The following SLC19A3 variants were observed in gnomAD, a reference collection of about 807,000 sequenced individuals.
SLC19A3 encodes the protein thiamine transporter 2.
SLC19A3 carries 31 observed loss-of-function variants against 40.2 expected under a neutral mutation model. That is an observed-to-expected ratio of 0.77 (90% CI 0.58 to 1.04). The LOEUF (loss-of-function observed/expected upper bound fraction) is 1.04, where lower values mean the gene tolerates loss of function less well. SLC19A3 is among the 50% of genes least tolerant of loss of function. The pLI is 0.00. For synonymous variants in SLC19A3, 212 were observed against 227.5 expected (o/e 0.93, Z 0.61); for missense variants, 592 against 596.7 (o/e 0.99, Z 0.08).
Position 227,699,237 on chromosome 2 carries a change from G to C in SLC19A3, c.478C>G (p.Leu160Val). ...GACATGTTCGCCAGGGATACCAAGA[G>C]TTGAGCCAGCACCGACCCTGCTGTG... ...AYTAGSVLAQ[L>V]LVSLANMSYF... Residue 160 changes from leucine (L) to valine (V), a missense_variant, in exon 3 of 6, where the codon CTC becomes GTC. By Grantham distance (32) the Leu-to-Val change is conservative. Transcript: ENST00000644224. 1 of 1,614,122 alleles carries C rather than the reference G, an allele frequency of 6.2e-7. No individual in the cohort carries two copies. Among genetic ancestry groups the C allele is most frequent in the Non-Finnish European group, 8.5e-7 (1 of 1,179,986 alleles).
intron 1 of SLC19A3, among the ~76,000 whole-genome samples, chr2:227,711,025 C>T (rs1696118394): frequency 6.6e-6 from 1 of 152,144 alleles, no homozygotes; most frequent in African/African-American, 2.4e-5. Context: ...AAGCAAAGGG[C>T]TGCAGTCAGC....
At position 227,698,655 on chromosome 2, in the gene SLC19A3, G is replaced by A. The variant is rs747630583; in HGVS notation, c.979+81C>T. The A allele has an allele frequency of 6.6e-6, 8 of 1,214,700 alleles. No individual in the cohort carries two copies. The East Asian group carries it at 7.0e-5, about 11-fold the overall frequency. The allele number at this position is 1,214,700 out of a possible 1,614,324, so 75.2% of individuals were successfully genotyped here. On this transcript the variant is annotated intron_variant, in intron 3 of 5. Coordinates refer to ENST00000644224, the MANE Select transcript of SLC19A3 (RefSeq NM_025243.4). ...GCTTCCTTCTGAACAGAGCTAATTC[G>A]CTGCCATGAAGTTCGGTACCTGGAG...
chr2:227,686,121 C>T lies in SLC19A3; in HGVS notation c.*1276G>A. ...CTGAGGTAGGAGAATGGCTTGAACT[C>T]AGGAGGTGAAGTTTGCAGTGAGCCA... On this transcript the variant is annotated 3_prime_UTR_variant, in exon 6 of 6. Transcript: ENST00000644224. 1 of 448,868 alleles carries T rather than the reference C, an allele frequency of 2.2e-6. No homozygotes were observed. The highest frequency in any genetic ancestry group is 4.5e-6 in the Non-Finnish European group (1 of 223,194). The allele number at this position is 448,868 out of a possible 1,614,324, so 27.8% of individuals were successfully genotyped here. A position where few individuals can be genotyped will look rare whatever the true frequency, so the allele number is the denominator to read the frequency against.
intron 2 of SLC19A3, among the ~76,000 whole-genome samples, chr2:227,701,427 G>C (rs1695683441): frequency 6.6e-6 from 1 of 152,112 alleles, no homozygotes; most frequent in Non-Finnish European, 1.5e-5. Flanking sequence ...TTCGAGACCA[G>C]CCTGGCCAAC....
At chr2:227,702,540 C>A in intron 1 of SLC19A3, 1 of 538,170 alleles carries the variant, frequency 1.9e-6, no homozygotes, top group South Asian at 2.0e-5. Context: ...ATTACAGGTG[C>A]CTGCCACCAT....
intron 2 of SLC19A3, 63 bp downstream of exon 2, chr2:227,702,106 T>C (rs1038330303): frequency 4.9e-5 from 66 of 1,340,832 alleles, no homozygotes; most frequent in Non-Finnish European, 6.8e-5. Flanking sequence ...AAGCCCTGTA[T>C]CCTTGTTCAA....
chr2:227,687,261 G>T lies in SLC19A3; in HGVS notation c.*136C>A. 1 of 861,994 alleles carries T rather than the reference G, an allele frequency of 1.2e-6. No individual in the cohort carries two copies. The highest frequency in any genetic ancestry group is 1.8e-6 in the Non-Finnish European group (1 of 560,612). 53.4% of individuals were successfully genotyped at this position (861,994 alleles called of 1,614,324 possible). A position where few individuals can be genotyped will look rare whatever the true frequency, so the allele number is the denominator to read the frequency against. ...ACTCATCTAAAACTGAGGTTTTGTTGTGGTTTTGAAAGGTCCATTGGAATC... is the reference window on the plus strand; with the variant it reads ...ACTCATCTAAAACTGAGGTTTTGTTTTGGTTTTGAAAGGTCCATTGGAATC... On this transcript the variant is annotated 3_prime_UTR_variant, in exon 6 of 6. Transcript: ENST00000644224.
Position 227,688,289 on chromosome 2 carries a change from A to G in SLC19A3, c.1191T>C (p.Asn397=), listed in dbSNP as rs1435828432. The G allele has an allele frequency of 3.7e-6, 6 of 1,614,008 alleles. No individual in the cohort carries two copies. Among genetic ancestry groups the G allele is most frequent in the Non-Finnish European group, 5.1e-6 (6 of 1,179,886 alleles). The change falls in exon 5 of 6, where the codon AAT becomes AAC. Residue 397 remains asparagine (N), a synonymous_variant. Transcript: ENST00000644224. Reference sequence around the variant, plus strand: ...CCAAGGCATAGCGTTCCACATTCAGATTAACTGCAATCTGAAATCTATCAT... The same window carrying G: ...CCAAGGCATAGCGTTCCACATTCAGGTTAACTGCAATCTGAAATCTATCAT... The part of the protein sequence containing the change: ...ITIAVFQIAV[N]LNVERYALVF...
rs1184253218 is a variant in SLC19A3 at position 227,688,158 on chromosome 2, C to T, written c.1314+8G>A. Reference sequence around the variant, plus strand: ...TACCTAGTTGAAAACAGAAGTATTGCAGCTTACCTGAATGCTGACTGGCAA... The same window carrying T: ...TACCTAGTTGAAAACAGAAGTATTGTAGCTTACCTGAATGCTGACTGGCAA... On this transcript the variant is annotated splice_region_variant and intron_variant, in intron 5 of 5. Transcript: ENST00000644224. 1 of 1,613,952 alleles carries T rather than the reference C, an allele frequency of 6.2e-7. No homozygotes were observed. The highest frequency in any genetic ancestry group is 8.5e-7 in the Non-Finnish European group (1 of 1,179,922).
rs1695934431 is a variant in SLC19A3, at chr2:227,706,182, G to T, written c.-2-3862C>A. On this transcript the variant is annotated intron_variant, in intron 1 of 5. Transcript: ENST00000644224. ...TTATTCTGGAATAGACTGTTCTTTT[G>T]TCTTTTTTCCATTTATCATTCCATT... The T allele has an allele frequency of 9.1e-6, 5 of 546,510 alleles. No individual in the cohort carries two copies. In the South Asian group the frequency reaches 3.9e-4, roughly 43 times the overall value. The allele number at this position is 546,510 out of a possible 1,614,324, so 33.9% of individuals were successfully genotyped here. A position where few individuals can be genotyped will look rare whatever the true frequency, so the allele number is the denominator to read the frequency against.
At chr2:227,697,325 A>T (rs971348052) in intron 3 of SLC19A3, among the ~76,000 whole-genome samples, 4 of 152,190 alleles carry the variant, frequency 2.6e-5, no homozygotes, top group Non-Finnish European at 5.9e-5. Flanking sequence ...TTTGTAAATG[A>T]GGGTGGGGCG....
intron 4 of SLC19A3, among the ~76,000 whole-genome samples, chr2:227,688,833 A>T (rs1695118141): frequency 6.6e-6 from 1 of 152,172 alleles, no homozygotes; most frequent in Non-Finnish European, 1.5e-5. Context: ...TTAGACACAG[A>T]ATTCAAAATA....
At chr2:227,688,083 C>T in intron 5 of SLC19A3, 83 bp downstream of exon 5, 1 of 1,438,268 alleles carries the variant, frequency 7.0e-7, no homozygotes, top group African/African-American at 1.4e-5. Flanking sequence ...AACCAAGGAA[C>T]TCAAGAAATT....
rs1221701827 is a variant in SLC19A3 at position 227,698,851 on chromosome 2, G to A, written c.864C>T (p.Ala288=). The A allele has an allele frequency of 6.2e-7, 1 of 1,614,168 alleles. No individual in the cohort carries two copies. The highest frequency in any genetic ancestry group is 8.5e-7 in the Non-Finnish European group (1 of 1,180,014). ...TCAAAACCTGGTTAAAACCTGCTGTGGCGAAAGCCCACCATAGAGACCAGT... is the reference window on the plus strand; with the variant it reads ...TCAAAACCTGGTTAAAACCTGCTGTAGCGAAAGCCCACCATAGAGACCAGT... The part of the protein sequence containing the change: ...LFYWSLWWAF[A]TAGFNQVLNY... Residue 288 remains alanine, a synonymous_variant, in exon 3 of 6, where the codon GCC becomes GCT. Transcript: ENST00000644224.
At chr2:227,708,960 C>T (rs1052542283) in intron 1 of SLC19A3, among the ~76,000 whole-genome samples, 3 of 152,124 alleles carry the variant, frequency 2.0e-5, no homozygotes, top group Admixed American at 1.3e-4. Flanking sequence ...CATAGTTGTG[C>T]ACACAACAAT....
chr2:227,709,745 G>A (rs773946440), intron 1 of SLC19A3, among the ~76,000 whole-genome samples: 3 of 152,106 alleles, frequency 2.0e-5, no homozygotes, highest in Admixed American at 1.3e-4. Context: ...CTGACTGCCT[G>A]GAGAAGAACA....
Position 227,702,207 on chromosome 2 carries a change from A to G in SLC19A3, c.112T>C (p.Tyr38His), listed in dbSNP as rs368305641. 5 of 1,613,752 alleles carry G rather than the reference A, an allele frequency of 3.1e-6. No individual in the cohort carries two copies. In the African/African-American group the frequency reaches 6.7e-5, roughly 22 times the overall value. ...MRPSEPFLIPYLSGPDKNLTS... is the reference protein window; with the variant it reads ...MRPSEPFLIPHLSGPDKNLTS... The stretch of plus-strand genomic sequence containing the variant: ...AGGTTTTTATCTGGTCCAGATAAAT[A>G]TGGGATAAGGAATGGTTCTGAGGGT... Residue 38 changes from tyrosine to histidine, a missense_variant, in exon 2 of 6, where the codon TAT becomes CAT. Physicochemically the swap from Tyr to His is moderately conservative, Grantham distance 83. Transcript: ENST00000644224.
At chr2:227,693,771 C>T (rs1480693863) in intron 4 of SLC19A3, among the ~76,000 whole-genome samples, 2 of 152,020 alleles carry the variant, frequency 1.3e-5, no homozygotes, top group East Asian at 3.9e-4. Flanking sequence ...CCTGCACAGC[C>T]AAGGAAAGAG....
intron 2 of SLC19A3, chr2:227,701,248 A>G (rs1695675547): frequency 5.0e-6 from 2 of 400,522 alleles, no homozygotes; most frequent in South Asian, 2.6e-5. Context: ...AGTGTTTTCA[A>G]GGCTAAGGCT....
Sources: gnomAD v4.1 joint callset for allele counts (sites outside exome capture counted in the v4.1 genomes callset) on GRCh38, gnomAD v4.1.1 for gene constraint, MANE v1.5 for transcripts, NCBI Gene and HGNC (gene_info 2026-07-23, HGNC 2026-07-21) for gene names.